Variants in LINGO2 observed in about 807,000 individuals in gnomAD.
The protein encoded by LINGO2 is leucine rich repeat and Ig domain containing 2, also known as leucine-rich repeat and immunoglobulin-like domain-containing nogo receptor-interacting protein 2.
Under a neutral mutation model 30.6 loss-of-function variants are expected in LINGO2, and 14 were observed. That is an observed-to-expected ratio of 0.46 (90% CI 0.30 to 0.72). The LOEUF is 0.72. LINGO2 is among the 30% of genes least tolerant of loss of function. The pLI is 0.07. For missense variants in LINGO2, 729 were observed against 751.7 expected (o/e 0.97, Z 0.35); for synonymous variants, 317 against 288.5 (o/e 1.10, Z -1.00).
At chr9:28,506,479 C>CATAT (rs1262674322) in intron 1 of LINGO2, among the ~76,000 whole-genome samples, 59 of 11,310 alleles carry the variant, frequency 5.2e-3, no homozygotes, top group Non-Finnish European at 0.012. Context: ...CACACACACA[C>CATAT]ATACACATAC....
chr9:28,214,385 T>C (rs16912576), intron 4 of LINGO2, among the ~76,000 whole-genome samples: 8,002 of 151,642 alleles, frequency 0.053, 282 homozygotes, highest in African/African-American at 0.097. Flanking sequence ...CAAAGTCTTG[T>C]CTACACTTGA....
At chr9:28,789,732 A>G in the LINGO2 span, among the ~76,000 whole-genome samples, 3 of 152,258 alleles carry the variant, frequency 2.0e-5, no homozygotes, top group Admixed American at 6.5e-5. Flanking sequence ...AAAGTTCCTT[A>G]GAATCAAGAG....
chr9:28,082,987 T>C (rs1432318091), intron 4 of LINGO2, among the ~76,000 whole-genome samples: 3 of 152,192 alleles, frequency 2.0e-5, no homozygotes, highest in Non-Finnish European at 4.4e-5. Flanking sequence ...GGTACTCCCA[T>C]AGCACTGGTG....
At chr9:28,012,748 C>A (rs12236967) in intron 4 of LINGO2, among the ~76,000 whole-genome samples, 4,016 of 152,206 alleles carry the variant, frequency 0.026, 85 homozygotes, top group South Asian at 0.067. Context: ...ATAGCTGCCA[C>A]CTCCCTGGGC....
chr9:28,332,209 C>T (rs1825445961), intron 3 of LINGO2, among the ~76,000 whole-genome samples: 1 of 151,620 alleles, frequency 6.6e-6, no homozygotes, highest in Admixed American at 6.6e-5. Flanking sequence ...CTAGTCCTTG[C>T]TTAAGACTTA....
chr9:27,976,772 T>A (rs1425113851), intron 5 of LINGO2, among the ~76,000 whole-genome samples: 1 of 152,054 alleles, frequency 6.6e-6, no homozygotes, highest in Non-Finnish European at 1.5e-5. Flanking sequence ...GATTAAGCTT[T>A]AAGAAAGCAC....
the LINGO2 span, among the ~76,000 whole-genome samples, chr9:29,036,207 C>A: frequency 6.6e-6 from 1 of 152,012 alleles, no homozygotes; most frequent in African/African-American, 2.4e-5. Flanking sequence ...GGCATTTGCA[C>A]GTTGAGCATT....
intron 2 of LINGO2, among the ~76,000 whole-genome samples, chr9:28,419,445 T>G (rs1490752332): frequency 6.6e-6 from 1 of 152,108 alleles, no homozygotes; most frequent in Non-Finnish European, 1.5e-5. Context: ...AGAGGGGTTA[T>G]TTGCTTAATG....
At chr9:29,051,692 G>A in the LINGO2 span, among the ~76,000 whole-genome samples, 2 of 151,710 alleles carry the variant, frequency 1.3e-5, no homozygotes, top group African/African-American at 4.8e-5. Flanking sequence ...CATAAGGCCC[G>A]TTAGTTTCTT....
intron 1 of LINGO2, among the ~76,000 whole-genome samples, chr9:28,600,673 C>A (rs1435603549): frequency 6.6e-6 from 1 of 152,008 alleles, no homozygotes; most frequent in African/African-American, 2.4e-5. Context: ...AAGGAGCTGT[C>A]TGGAGTTGTT....
At chr9:28,181,940 T>G (rs1421365315) in intron 4 of LINGO2, among the ~76,000 whole-genome samples, 2 of 152,114 alleles carry the variant, frequency 1.3e-5, no homozygotes, top group African/African-American at 4.8e-5. Context: ...ATTGACATTC[T>G]TCACAGAATT....
chr9:28,767,984 C>T, the LINGO2 span, among the ~76,000 whole-genome samples: 1 of 152,014 alleles, frequency 6.6e-6, no homozygotes, highest in Non-Finnish European at 1.5e-5. Context: ...CCTTTGGTGG[C>T]GTTATCAGCC....
intron 4 of LINGO2, among the ~76,000 whole-genome samples, chr9:28,151,928 A>G (rs1828011811): frequency 6.6e-6 from 1 of 152,164 alleles, no homozygotes; most frequent in Non-Finnish European, 1.5e-5. Context: ...CTACATTCAT[A>G]TAGAAACGAA....
chr9:28,676,059 T>C, the LINGO2 span, among the ~76,000 whole-genome samples: 2 of 150,824 alleles, frequency 1.3e-5, no homozygotes, highest in Middle Eastern at 3.2e-3. Flanking sequence ...AATGACATAA[T>C]AGAAATGACA....
chr9:28,303,738 A>G (rs940961605), intron 3 of LINGO2, among the ~76,000 whole-genome samples: 6 of 152,104 alleles, frequency 3.9e-5, no homozygotes, highest in Admixed American at 1.3e-4. Context: ...TTTATGGGTT[A>G]TCATAAAGGT....
rs1229990739 is a variant in LINGO2 at position 28,095,486 on chromosome 9, C to T, written c.-86-83081G>A. Among the ~76,000 whole-genome samples, 16 of 152,094 alleles carry T rather than the reference C, an allele frequency of 1.1e-4. 1 individual carries two copies. The South Asian group carries it at 2.1e-3, about 20-fold the overall frequency. Reference sequence around the variant, plus strand: ...AGGATTCCCTATTTAATAAATGGTGCTGGGAAAACTGGCTAGCCATATGTA... The same window carrying T: ...AGGATTCCCTATTTAATAAATGGTGTTGGGAAAACTGGCTAGCCATATGTA... On this transcript the variant is annotated intron_variant, in intron 4 of 5. Coordinates refer to ENST00000379992, the Ensembl canonical transcript of LINGO2.
intron 1 of LINGO2, among the ~76,000 whole-genome samples, chr9:28,591,759 T>C (rs1011379053): frequency 6.6e-6 from 1 of 151,950 alleles, no homozygotes. Context: ...CTTGTGGAAA[T>C]CTTGAATTAA....
At chr9:28,693,826 A>G in the LINGO2 span, among the ~76,000 whole-genome samples, 1 of 152,052 alleles carries the variant, frequency 6.6e-6, no homozygotes, top group African/African-American at 2.4e-5. Flanking sequence ...TAGGTTTTTT[A>G]TAATCCCTGA....
Position 28,496,285 on chromosome 9 carries a change from G to A in LINGO2, c.-364-20260C>T, listed in dbSNP as rs1366436915. ...TGTTAAAGTCTCCCGTTATTATTGT[G>A]TGGGAGTCTAAGTCTCTCTGTAGGT... On this transcript the variant is annotated intron_variant, in intron 1 of 5. Transcript: ENST00000379992. Among the ~76,000 whole-genome samples, 3 of 152,054 alleles carry A rather than the reference G, an allele frequency of 2.0e-5. No homozygotes were observed. In the East Asian group the frequency reaches 5.8e-4, roughly 29 times the overall value.
Sources: gnomAD v4.1 joint callset for allele counts (sites outside exome capture counted in the v4.1 genomes callset) on GRCh38, gnomAD v4.1.1 for gene constraint, MANE v1.5 for transcripts, NCBI Gene and HGNC (gene_info 2026-07-23, HGNC 2026-07-21) for gene names.